Variants in HACE1 observed in about 807,000 individuals in gnomAD.
HACE1 encodes E3 ubiquitin-protein ligase HACE1.
HACE1 carries 73 observed loss-of-function variants against 118.4 expected under a neutral mutation model. That is an observed-to-expected ratio of 0.62 (90% CI 0.51 to 0.75). The LOEUF (loss-of-function observed/expected upper bound fraction) is 0.75, where lower values mean the gene tolerates loss of function less well. Ranked by LOEUF, HACE1 falls within the 30% of genes least tolerant of loss-of-function variation. The pLI is 0.00. For missense variants in HACE1, 749 were observed against 1,102.2 expected (o/e 0.68, Z 4.54); for synonymous variants, 368 against 374.8 (o/e 0.98, Z 0.21).
intron 6 of HACE1, among the ~76,000 whole-genome samples, chr6:104,816,312 G>A (rs1772110651): frequency 6.6e-6 from 1 of 152,212 alleles, no homozygotes; most frequent in African/African-American, 2.4e-5. Flanking sequence ...AGGGGAAAAT[G>A]GCTTCACAGG....
At chr6:104,763,275 G>C (rs1224397670) in intron 19 of HACE1, among the ~76,000 whole-genome samples, 2 of 152,072 alleles carry the variant, frequency 1.3e-5, no homozygotes, top group Non-Finnish European at 2.9e-5. Context: ...AAAGTTTTCA[G>C]AGTAGTAAAA....
At chr6:104,847,148 C>G (rs1054210608) in intron 4 of HACE1, among the ~76,000 whole-genome samples, 1 of 152,208 alleles carries the variant, frequency 6.6e-6, no homozygotes, top group Admixed American at 6.5e-5. Flanking sequence ...GAACATCCTG[C>G]CTTTCAAGTC....
At chr6:104,783,517 G>A (rs573797746) in intron 14 of HACE1, among the ~76,000 whole-genome samples, 3 of 152,120 alleles carry the variant, frequency 2.0e-5, no homozygotes, top group Non-Finnish European at 4.4e-5. Flanking sequence ...AAGAAACCAA[G>A]GGCTCAAGGA....
chr6:104,825,743 G>A (rs1325838532), intron 6 of HACE1, among the ~76,000 whole-genome samples: 1 of 152,178 alleles, frequency 6.6e-6, no homozygotes, highest in Non-Finnish European at 1.5e-5. Context: ...AGCAGCTGCT[G>A]GGGCCAATTC....
intron 19 of HACE1, among the ~76,000 whole-genome samples, chr6:104,751,970 G>C (rs78158208): frequency 6.6e-5 from 9 of 137,048 alleles, no homozygotes; most frequent in East Asian, 2.2e-4. Flanking sequence ...AAAAAAAACA[G>C]GGGAAAAAAA....
intron 6 of HACE1, among the ~76,000 whole-genome samples, chr6:104,825,262 C>T (rs1773202362): frequency 6.6e-6 from 1 of 152,208 alleles, no homozygotes; most frequent in Middle Eastern, 3.4e-3. Context: ...CTTTCCACGC[C>T]TAAGTAACAA....
At chr6:104,744,722 T>A (rs746500975) in intron 20 of HACE1, 112 bp from the exon 21 acceptor site, 1 of 688,668 alleles carries the variant, frequency 1.5e-6, no homozygotes, top group East Asian at 2.7e-5. Context: ...AACTGATATA[T>A]TTTTGTGACA....
At chr6:104,791,424 T>C in intron 11 of HACE1, 80 bp downstream of exon 11, 1 of 1,281,398 alleles carries the variant, frequency 7.8e-7, no homozygotes, top group South Asian at 1.2e-5. Context: ...TTCATGAGCT[T>C]TCTGATTAAT....
chr6:104,796,688 T>C lies in HACE1; in HGVS notation c.783A>G (p.Gln261=), dbSNP rs748378138. Residue 261 remains glutamine, a synonymous_variant, in exon 9 of 24, where the codon CAA becomes CAG. Coordinates refer to ENST00000262903, the MANE Select transcript of HACE1 (RefSeq NM_020771.4). The part of the protein sequence containing the change: ...YHPRLFQTII[Q]MTQNEDLREN... The stretch of plus-strand genomic sequence containing the variant: ...CTCGGAGGTCTTCATTCTGTGTCAT[T>C]TGAATAATAGTCTGAAAAAGCCTCG... The C allele has an allele frequency of 2.3e-5, 37 of 1,579,016 alleles. No homozygotes were observed. Among genetic ancestry groups the C allele is most frequent in the Non-Finnish European group, 2.9e-5 (33 of 1,148,988 alleles).
At chr6:104,746,557 T>A (rs1777446435) in intron 20 of HACE1, among the ~76,000 whole-genome samples, 1 of 152,212 alleles carries the variant, frequency 6.6e-6, no homozygotes, top group Non-Finnish European at 1.5e-5. Context: ...ATGGCTACCA[T>A]CAGGTGGCCC....
intron 6 of HACE1, among the ~76,000 whole-genome samples, chr6:104,822,975 A>G (rs1278699718): frequency 1.3e-5 from 2 of 152,246 alleles, no homozygotes; most frequent in African/African-American, 4.8e-5. Context: ...TGTTCTCATC[A>G]AACTGGTGAG....
At chr6:104,818,641 CT>C (rs1027889787) in intron 6 of HACE1, among the ~76,000 whole-genome samples, 1 of 151,992 alleles carries the variant, frequency 6.6e-6, no homozygotes, top group African/African-American at 2.4e-5. Context: ...AACAAAAACA[CT>C]GGCAAGCAGA....
At chr6:104,735,162 T>C (rs186130434) in intron 22 of HACE1, among the ~76,000 whole-genome samples, 1 of 152,178 alleles carries the variant, frequency 6.6e-6, no homozygotes, top group Admixed American at 6.5e-5. Context: ...TTAAATTACA[T>C]GGAAATCTCT....
intron 14 of HACE1, among the ~76,000 whole-genome samples, chr6:104,781,248 T>C (rs1370629419): frequency 1.3e-5 from 2 of 152,240 alleles, no homozygotes; most frequent in South Asian, 2.1e-4. Flanking sequence ...ATTATTTATT[T>C]TGATGCTCAA....
intron 5 of HACE1, among the ~76,000 whole-genome samples, chr6:104,837,798 A>T (rs1774693586): frequency 6.6e-6 from 1 of 152,300 alleles, no homozygotes. Flanking sequence ...TCTGCAGATG[A>T]TATGATCTTG....
chr6:104,838,076 T>G (rs1774723265), intron 5 of HACE1, among the ~76,000 whole-genome samples: 1 of 152,008 alleles, frequency 6.6e-6, no homozygotes, highest in African/African-American at 2.4e-5. Context: ...ACACACAAAA[T>G]GGAAAAATAT....
intron 5 of HACE1, among the ~76,000 whole-genome samples, chr6:104,842,956 A>C (rs1775260977): frequency 1.3e-5 from 2 of 152,190 alleles, no homozygotes; most frequent in Middle Eastern, 3.2e-3. Context: ...TACTAAAAAC[A>C]TAAAAATTAT....
chr6:104,786,484 G>T (rs1330548406), intron 11 of HACE1: 1 of 150,056 alleles, frequency 6.7e-6, no homozygotes, highest in African/African-American at 2.5e-5. Flanking sequence ...TGCACTTGTA[G>T]TCCCAGTTAC....
intron 7 of HACE1, among the ~76,000 whole-genome samples, chr6:104,804,253 T>C (rs986062643): frequency 9.9e-5 from 15 of 152,192 alleles, no homozygotes; most frequent in Admixed American, 6.5e-5. Context: ...TGCTCATGGA[T>C]AGGAAGAATC....
Sources: gnomAD v4.1 joint callset for allele counts (sites outside exome capture counted in the v4.1 genomes callset) on GRCh38, gnomAD v4.1.1 for gene constraint, MANE v1.5 for transcripts, NCBI Gene and HGNC (gene_info 2026-07-23, HGNC 2026-07-21) for gene names.